The following CCDC7 variants were observed in gnomAD, a reference collection of about 807,000 sequenced individuals.
CCDC7 encodes coiled-coil domain containing 7.
CCDC7 carries 183 observed loss-of-function variants against 196.9 expected under a neutral mutation model. The observed-to-expected ratio is 0.93, with a 90% confidence interval of 0.82 to 1.05. CCDC7 has a LOEUF of 1.05. Among genes scored for constraint, CCDC7 ranks in the 50% least tolerant of loss-of-function variants. The probability of loss-of-function intolerance (pLI) is 0.00; values close to 1 mark genes in which losing one functional copy is unlikely to be tolerated. For missense variants in CCDC7, 1,540 were observed against 1,482.2 expected (o/e 1.04, Z -0.64); for synonymous variants, 525 against 484.6 (o/e 1.08, Z -1.10).
At chr10:32,580,524 A>G (rs1383131284) in intron 16 of CCDC7, among the ~76,000 whole-genome samples, 1 of 152,052 alleles carries the variant, frequency 6.6e-6, no homozygotes, top group East Asian at 1.9e-4. Context: ...TATAACACCT[A>G]TATTGAAATT....
chr10:32,856,308 A>T (rs1295765548), intron 41 of CCDC7, among the ~76,000 whole-genome samples: 4 of 152,214 alleles, frequency 2.6e-5, no homozygotes, highest in African/African-American at 9.6e-5. Flanking sequence ...TTTTTAAATC[A>T]CATATCTGAT....
chr10:32,820,953 T>A lies in CCDC7; in HGVS notation c.3182-3565T>A, dbSNP rs368756065. On this transcript the variant is annotated intron_variant, in intron 31 of 41. Coordinates refer to ENST00000639629, the Ensembl canonical transcript of CCDC7. ...ACCAAAAGCAATGGCAACAAAAGCC[T>A]AAATTGACAAATGGGATCTAATTAA... Among the ~76,000 whole-genome samples, 686 of 151,784 alleles carry A rather than the reference T, an allele frequency of 4.5e-3. 1 individual carries two copies. The highest frequency in any genetic ancestry group is 0.016 in the African/African-American group (645 of 41,166).
At chr10:32,837,173 C>T (rs1036353085) in intron 33 of CCDC7, among the ~76,000 whole-genome samples, 6 of 152,032 alleles carry the variant, frequency 3.9e-5, no homozygotes, top group Admixed American at 6.6e-5. Context: ...GCAATCTACT[C>T]ATCTGACGAA....
intron 20 of CCDC7, among the ~76,000 whole-genome samples, chr10:32,645,164 G>A (rs551182276): frequency 3.3e-5 from 5 of 152,296 alleles, no homozygotes; most frequent in African/African-American, 9.6e-5. Flanking sequence ...CTTTATCCAT[G>A]TCAGAATGGC....
chr10:32,784,162 A>G (rs903159536), intron 29 of CCDC7, among the ~76,000 whole-genome samples: 9 of 152,232 alleles, frequency 5.9e-5, no homozygotes, highest in African/African-American at 2.2e-4. Flanking sequence ...ATTTACCACA[A>G]TAAAAATGAA....
intron 29 of CCDC7, among the ~76,000 whole-genome samples, chr10:32,780,100 G>A (rs1327321445): frequency 5.9e-5 from 9 of 152,146 alleles, no homozygotes; most frequent in Non-Finnish European, 2.9e-5. Context: ...AGACAGGCAT[G>A]GTGGTACACG....
intron 25 of CCDC7, among the ~76,000 whole-genome samples, chr10:32,717,555 C>T (rs146053576): frequency 0.042 from 6,310 of 151,858 alleles, 133 homozygotes; most frequent in Middle Eastern, 0.065. Flanking sequence ...GAGAGAGACA[C>T]GAAAAACCCT....
intron 13 of CCDC7, among the ~76,000 whole-genome samples, chr10:32,553,034 T>C (rs952583671): frequency 1.3e-5 from 2 of 151,784 alleles, no homozygotes; most frequent in African/African-American, 2.4e-5. Context: ...TTTAGAATTC[T>C]CTTCTTCCTC....
intron 9 of CCDC7, among the ~76,000 whole-genome samples, chr10:32,516,797 G>T (rs1181727173): frequency 6.6e-6 from 1 of 152,166 alleles, no homozygotes; most frequent in African/African-American, 2.4e-5. Context: ...ATATGATTCA[G>T]AAATTCTGTG....
At chr10:32,762,531 GTCT>G (rs1386871690) in intron 28 of CCDC7, among the ~76,000 whole-genome samples, 7 of 151,528 alleles carry the variant, frequency 4.6e-5, no homozygotes, top group Non-Finnish European at 8.8e-5. Context: ...AGCCAAAACA[GTCT>G]TTAAAAAGAA....
At chr10:32,870,394 G>A (rs984631495) in intron 41 of CCDC7, among the ~76,000 whole-genome samples, 3 of 151,730 alleles carry the variant, frequency 2.0e-5, no homozygotes, top group African/African-American at 7.3e-5. Flanking sequence ...ATTTGGCTCT[G>A]TTTGTCTGTT....
chr10:32,711,810 T>C lies in CCDC7; in HGVS notation c.2569+80T>C, dbSNP rs561171601. 15 of 681,120 alleles carry C rather than the reference T, an allele frequency of 2.2e-5. No individual in the cohort carries two copies. The South Asian group carries it at 3.7e-4, about 17-fold the overall frequency. The allele number at this position is 681,120 out of a possible 1,614,324, so 42.2% of individuals were successfully genotyped here. On this transcript the variant is annotated intron_variant, in intron 25 of 41. Transcript: ENST00000639629. ...CTTTTTTCTTTGGTTCATACTTACG[T>C]ATTTGAGAACATATATTTTATTGAT...
At chr10:32,727,889 C>T (rs141358564) in intron 26 of CCDC7, among the ~76,000 whole-genome samples, 1 of 152,206 alleles carries the variant, frequency 6.6e-6, no homozygotes, top group African/African-American at 2.4e-5. Flanking sequence ...TCTGGTCAAC[C>T]ATCTCCTCTA....
intron 11 of CCDC7, among the ~76,000 whole-genome samples, chr10:32,537,491 C>T (rs541848235): frequency 1.1e-4 from 17 of 152,166 alleles, no homozygotes; most frequent in African/African-American, 3.1e-4. Flanking sequence ...TGCAGAAGCT[C>T]TTTAGTTTGG....
At chr10:32,653,739 A>G (rs2069223946) in intron 20 of CCDC7, among the ~76,000 whole-genome samples, 1 of 152,212 alleles carries the variant, frequency 6.6e-6, no homozygotes, top group Non-Finnish European at 1.5e-5. Context: ...CCCATCTCAA[A>G]TTACAAATGT....
At chr10:32,782,920 G>T (rs1055862416) in intron 29 of CCDC7, among the ~76,000 whole-genome samples, 44 of 152,058 alleles carry the variant, frequency 2.9e-4, no homozygotes, top group Non-Finnish European at 4.9e-4. Flanking sequence ...TTCCACAAAC[G>T]GTGCTTTCAC....
At chr10:32,504,510 A>G (rs1014590661) in intron 9 of CCDC7, among the ~76,000 whole-genome samples, 10 of 152,170 alleles carry the variant, frequency 6.6e-5, no homozygotes, top group East Asian at 1.9e-4. Flanking sequence ...TATTTATTTG[A>G]GATCATTATT....
intron 28 of CCDC7, among the ~76,000 whole-genome samples, chr10:32,751,925 T>A (rs1396002989): frequency 6.6e-6 from 1 of 152,172 alleles, no homozygotes. Context: ...ATTCAGTGCC[T>A]ATAATAAATG....
rs2087539156 is a variant in CCDC7, at chr10:32,813,100, A to G, written c.3098-1270A>G. Among the ~76,000 whole-genome samples, 3 of 152,120 alleles carry G rather than the reference A, an allele frequency of 2.0e-5. No homozygotes were observed. The South Asian group carries it at 6.2e-4, about 32-fold the overall frequency. ...CACCAATTTTCCCAAAACAGCAACA[A>G]CAACAACAACAACAACAACAAACCG... On this transcript the variant is annotated intron_variant, in intron 30 of 41. Transcript: ENST00000639629.
Sources: allele counts gnomAD v4.1 joint callset (sites outside exome capture counted in the v4.1 genomes callset), GRCh38; gene constraint gnomAD v4.1.1; transcripts MANE v1.5; gene names NCBI Gene and HGNC (gene_info 2026-07-23, HGNC 2026-07-21).